The following RUFY4 variants were observed in gnomAD, a reference collection of about 807,000 sequenced individuals.
The protein encoded by RUFY4 is RUN and FYVE domain containing 4, also known as RUN and FYVE domain-containing protein 4.
RUFY4 carries 73 observed loss-of-function variants against 69.0 expected under a neutral mutation model. The observed-to-expected ratio is 1.06, with a 90% confidence interval of 0.88 to 1.29. The LOEUF is 1.29. Among genes scored for constraint, RUFY4 ranks in the 50% most tolerant of loss-of-function variants. The pLI, the probability that RUFY4 is intolerant of heterozygous loss-of-function variation, is 0.00. For missense variants in RUFY4, 770 were observed against 705.6 expected (o/e 1.09, Z -1.03); for synonymous variants, 287 against 271.8 (o/e 1.06, Z -0.55).
intron 5 of RUFY4, 31 bp downstream of exon 7, chr2:218,073,417 T>G (rs1169305265): frequency 6.4e-7 from 1 of 1,573,176 alleles, no homozygotes. Context: ...GAGAAGTCTC[T>G]TTTGACACCT....
rs199659199 is a variant in RUFY4 at position 218,073,284 on chromosome 2, G to A, written c.428G>A (p.Arg143His). ...CGGAGCCCTCTGCTCTGCCCAGAAC[G>A]CCAAGAAGACATCCTGGACTCTCTC... Residue 143 changes from arginine to histidine, a missense_variant, in exon 5 of 11, where the codon CGC (arginine) becomes CAC (histidine). Transcript: ENST00000344321. 225 of 1,554,012 alleles carry A rather than the reference G, an allele frequency of 1.4e-4. No individual in the cohort carries two copies. The highest frequency in any genetic ancestry group is 2.2e-4 in the African/African-American group (16 of 73,168).
chr2:218,064,385 A>G (rs1305086643), upstream of RUFY4, among the ~76,000 whole-genome samples: 1 of 152,018 alleles, frequency 6.6e-6, no homozygotes, highest in South Asian at 2.1e-4. Context: ...CCTGCCCTCC[A>G]TGGGCAGCAG....
intron 2 of RUFY4, among the ~76,000 whole-genome samples, chr2:218,041,562 T>C (rs905613619): frequency 1.3e-5 from 2 of 151,716 alleles, no homozygotes; most frequent in African/African-American, 4.9e-5. Context: ...GAGAGAGGCT[T>C]TTATAGGTTG....
exon 7 of RUFY4, chr2:218,075,485 G>A: frequency 6.3e-7 from 1 of 1,592,366 alleles, no homozygotes; most frequent in Non-Finnish European, 8.6e-7. Context: ...CAACAGAGGG[G>A]ACTCACAAAA....
intron 2 of RUFY4, among the ~76,000 whole-genome samples, chr2:218,035,622 T>C (rs1452065186): frequency 6.6e-6 from 1 of 152,264 alleles, no homozygotes; most frequent in East Asian, 1.9e-4. Flanking sequence ...CACCTGGGTT[T>C]TCCGCTCCAT....
chr2:218,084,144 A>G (rs1015297030), intron 9 of RUFY4, among the ~76,000 whole-genome samples: 10 of 152,146 alleles, frequency 6.6e-5, no homozygotes, highest in African/African-American at 2.4e-4. Flanking sequence ...GTTCACATAC[A>G]TATGTTATCC....
At chr2:218,055,447 T>G (rs1347007139) in intron 2 of RUFY4, among the ~76,000 whole-genome samples, 1 of 152,200 alleles carries the variant, frequency 6.6e-6, no homozygotes, top group Non-Finnish European at 1.5e-5. Context: ...TTACTACACT[T>G]ACATAAATAA....
chr2:218,081,031 C>G (rs187942251), intron 8 of RUFY4, among the ~76,000 whole-genome samples: 123 of 152,294 alleles, frequency 8.1e-4, no homozygotes, highest in South Asian at 1.2e-3. Flanking sequence ...TATAAAACAC[C>G]AAGCTCAGGC....
At chr2:218,039,521 A>G (rs1574490057) in intron 2 of RUFY4, among the ~76,000 whole-genome samples, 1 of 152,158 alleles carries the variant, frequency 6.6e-6, no homozygotes, top group South Asian at 2.1e-4. Context: ...AGGCTGGGGG[A>G]GGGTGGACTT....
chr2:218,052,068 C>T (rs1460068223), intron 2 of RUFY4, among the ~76,000 whole-genome samples: 1 of 152,228 alleles, frequency 6.6e-6, no homozygotes, highest in Non-Finnish European at 1.5e-5. Context: ...GGCATTTTCA[C>T]ATCTCACTAC....
At chr2:218,039,545 T>G (rs1458715859) in intron 2 of RUFY4, among the ~76,000 whole-genome samples, 1 of 152,186 alleles carries the variant, frequency 6.6e-6, no homozygotes, top group Non-Finnish European at 1.5e-5. Flanking sequence ...AACACATCAC[T>G]GCAGTATAGT....
At chr2:218,049,512 T>C (rs1304146376) in intron 2 of RUFY4, among the ~76,000 whole-genome samples, 1 of 127,136 alleles carries the variant, frequency 7.9e-6, no homozygotes, top group Non-Finnish European at 1.6e-5. Context: ...GTTTTAGGTC[T>C]TTTTTTTTTT....
At chr2:218,042,058 G>C (rs1688709408) in intron 2 of RUFY4, among the ~76,000 whole-genome samples, 1 of 152,124 alleles carries the variant, frequency 6.6e-6, no homozygotes, top group South Asian at 2.1e-4. Context: ...TGAGTAGTTG[G>C]GCTGTTGACT....
chr2:218,049,898 A>G (rs553230015), intron 2 of RUFY4, among the ~76,000 whole-genome samples: 2 of 152,192 alleles, frequency 1.3e-5, no homozygotes, highest in Non-Finnish European at 2.9e-5. Context: ...TCTGCTTGTG[A>G]TAGTGACAGG....
At chr2:218,083,075 GC>G in intron 8 of RUFY4, 34 bp from the exon 11 acceptor site, 1 of 1,588,312 alleles carries the variant, frequency 6.3e-7, no homozygotes, top group South Asian at 1.1e-5. Flanking sequence ...GCTGAGCTTT[GC>G]CCCCTGAGAA....
intron 2 of RUFY4, among the ~76,000 whole-genome samples, chr2:218,058,229 T>C (rs7559154): frequency 0.11 from 16,764 of 152,300 alleles, 2,898 homozygotes; most frequent in African/African-American, 0.37. Flanking sequence ...CGAGTTGTCC[T>C]TGTGTTCTTC....
chr2:218,060,515 C>G lies in RUFY4; in HGVS notation c.-1071+1834C>G. 4 of 1,313,714 alleles carry G rather than the reference C, an allele frequency of 3.0e-6. No homozygotes were observed. In the Admixed American group the frequency reaches 6.7e-5, roughly 22 times the overall value. The allele number at this position is 1,313,714 out of a possible 1,614,324, so 81.4% of individuals were successfully genotyped here. A position where few individuals can be genotyped will look rare whatever the true frequency, so the allele number is the denominator to read the frequency against. ...GGATTGAGGTAGCTGTGAAGGATGC[C>G]CAGAATCTCAGTGGCATCCAGGGCC... On this transcript the variant is annotated intron_variant and NMD_transcript_variant, in intron 3 of 13. Transcript: ENST00000457754.
chr2:218,060,070 CTTA>C, intron 3 of RUFY4: 1 of 264,320 alleles, frequency 3.8e-6, no homozygotes, highest in Admixed American at 5.2e-5. Context: ...ATTTTCACTT[CTTA>C]GAACATAGAG....
intron 2 of RUFY4, among the ~76,000 whole-genome samples, chr2:218,058,191 C>T (rs906874092): frequency 1.2e-4 from 18 of 152,354 alleles, no homozygotes; most frequent in Admixed American, 7.8e-4. Context: ...CTGCACTCCA[C>T]TCTGTGCACT....
Sources: gnomAD v4.1 joint callset for allele counts (sites outside exome capture counted in the v4.1 genomes callset) on GRCh38, gnomAD v4.1.1 for gene constraint, MANE v1.5 for transcripts, NCBI Gene and HGNC (gene_info 2026-07-23, HGNC 2026-07-21) for gene names.